Variants in NRXN3 observed in about 807,000 individuals in gnomAD.
The protein encoded by NRXN3 is neurexin III.
A neutral mutation model predicts 137.6 loss-of-function variants in NRXN3; 32 were observed. The ratio of observed to expected loss-of-function variants is 0.23; its 90% CI spans 0.18 to 0.31. NRXN3 has a LOEUF of 0.31. Among genes scored for constraint, NRXN3 ranks in the 10% least tolerant of loss-of-function variants. The pLI, the probability that NRXN3 is intolerant of heterozygous loss-of-function variation, is 1.00. For missense variants in NRXN3, 1,574 were observed against 2,062.5 expected (o/e 0.76, Z 4.59); for synonymous variants, 798 against 784.5 (o/e 1.02, Z -0.29).
chr14:78,212,221 TTTGA>T (rs2062820250), intron 1 of NRXN3, among the ~76,000 whole-genome samples: 1 of 152,252 alleles, frequency 6.6e-6, no homozygotes, highest in Non-Finnish European at 1.5e-5. Context: ...TCTGGTTATC[TTTGA>T]TTGCATGTTG....
intron 16 of NRXN3, among the ~76,000 whole-genome samples, chr14:79,606,931 C>CA (rs2098027460): frequency 6.6e-6 from 1 of 152,190 alleles, no homozygotes; most frequent in Non-Finnish European, 1.5e-5. Flanking sequence ...ATGTATATGA[C>CA]AACTTACACT....
At chr14:79,373,612 G>A (rs974108081) in intron 15 of NRXN3, among the ~76,000 whole-genome samples, 14 of 152,050 alleles carry the variant, frequency 9.2e-5, no homozygotes, top group Non-Finnish European at 1.9e-4. Context: ...CGGTTCAGTG[G>A]CTATAATTAC....
At chr14:79,461,660 A>C (rs1276509506) in intron 15 of NRXN3, among the ~76,000 whole-genome samples, 1 of 152,214 alleles carries the variant, frequency 6.6e-6, no homozygotes, top group East Asian at 1.9e-4. Flanking sequence ...TGGTTTTATT[A>C]GCTACATGGT....
At chr14:79,713,165 T>C (rs961385457) in intron 19 of NRXN3, among the ~76,000 whole-genome samples, 3 of 14,594 alleles carry the variant, frequency 2.1e-4, no homozygotes, top group Admixed American at 7.9e-4. Flanking sequence ...TGATTTTTAC[T>C]TTTTTTTTTT....
At chr14:79,514,350 C>T (rs1375807484) in intron 16 of NRXN3, among the ~76,000 whole-genome samples, 2 of 152,080 alleles carry the variant, frequency 1.3e-5, no homozygotes, top group Non-Finnish European at 2.9e-5. Flanking sequence ...TATAGAATTT[C>T]GCTGTCCTCT....
intron 15 of NRXN3, among the ~76,000 whole-genome samples, chr14:79,063,104 G>A (rs2099676262): frequency 6.6e-6 from 1 of 152,074 alleles, no homozygotes; most frequent in Non-Finnish European, 1.5e-5. Flanking sequence ...TTTGCATATG[G>A]TTTTGTTTCT....
chr14:79,370,830 A>G (rs2094080998), intron 15 of NRXN3, among the ~76,000 whole-genome samples: 1 of 152,212 alleles, frequency 6.6e-6, no homozygotes, highest in South Asian at 2.1e-4. Flanking sequence ...AAATACTGAT[A>G]AGAGCAGTTA....
intron 4 of NRXN3, among the ~76,000 whole-genome samples, chr14:78,447,045 CATGGTCACTCTCA>C (rs1293489971): frequency 6.6e-6 from 1 of 152,204 alleles, no homozygotes; most frequent in Non-Finnish European, 1.5e-5. Context: ...GATGGTACTA[CATGGTCACTCTCA>C]TCTCCATAGC....
At position 78,242,836 on chromosome 14, in the gene NRXN3, C is replaced by A; in HGVS notation, c.-258C>A. The A allele has an allele frequency of 2.2e-6, 1 of 444,804 alleles. No homozygotes were observed. Among genetic ancestry groups the A allele is most frequent in the Non-Finnish European group, 3.9e-6 (1 of 254,138 alleles). The allele number at this position is 444,804 out of a possible 1,614,324, so 27.6% of individuals were successfully genotyped here. A position where few individuals can be genotyped will look rare whatever the true frequency, so the allele number is the denominator to read the frequency against. ...GTCCCTCACTTCCCCACCTGATTTT[C>A]CTCCTCTTCTGCTGGTCCTGTCTTT... On this transcript the variant is annotated 5_prime_UTR_variant, in exon 2 of 21. Coordinates refer to ENST00000335750, the MANE Select transcript of NRXN3 (RefSeq NM_001330195.2).
chr14:79,583,216 A>C (rs1366401144), intron 16 of NRXN3, among the ~76,000 whole-genome samples: 1 of 152,186 alleles, frequency 6.6e-6, no homozygotes, highest in East Asian at 1.9e-4. Flanking sequence ...TGCTTCTCTG[A>C]GCCTCGGGTT....
At chr14:78,472,912 A>AT (rs1464149465) in intron 4 of NRXN3, among the ~76,000 whole-genome samples, 1 of 118,536 alleles carries the variant, frequency 8.4e-6, no homozygotes, top group Non-Finnish European at 1.7e-5. Context: ...AAGAGAGAAA[A>AT]TGTCTTTTTT....
chr14:78,422,405 G>A (rs2093485110), intron 4 of NRXN3, among the ~76,000 whole-genome samples: 1 of 152,280 alleles, frequency 6.6e-6, no homozygotes, highest in Non-Finnish European at 1.5e-5. Context: ...GCAGATAGTA[G>A]TCTCTCACAA....
At chr14:79,387,349 A>G (rs1166817200) in intron 15 of NRXN3, among the ~76,000 whole-genome samples, 2 of 152,236 alleles carry the variant, frequency 1.3e-5, no homozygotes, top group African/African-American at 2.4e-5. Context: ...GAAACATGAA[A>G]AAATGCTCAT....
At chr14:78,938,171 A>C (rs1417577866) in intron 10 of NRXN3, among the ~76,000 whole-genome samples, 3 of 152,240 alleles carry the variant, frequency 2.0e-5, no homozygotes, top group African/African-American at 7.2e-5. Flanking sequence ...TATCCCCTTG[A>C]TTAAAGTGAT....
chr14:78,419,769 G>T (rs1193160705), intron 4 of NRXN3, among the ~76,000 whole-genome samples: 1 of 152,142 alleles, frequency 6.6e-6, no homozygotes, highest in East Asian at 1.9e-4. Context: ...GTGAAGGGGA[G>T]CCTGTTTTAT....
intron 15 of NRXN3, among the ~76,000 whole-genome samples, chr14:79,433,940 C>G (rs530861483): frequency 8.9e-4 from 136 of 152,268 alleles, no homozygotes; most frequent in African/African-American, 3.1e-3. Context: ...ACCTCTGTCA[C>G]CTGGCATGCT....
chr14:79,133,802 G>A (rs780131572), intron 15 of NRXN3, among the ~76,000 whole-genome samples: 14 of 151,870 alleles, frequency 9.2e-5, no homozygotes, highest in Admixed American at 7.2e-4. Context: ...GGTGGTGGGC[G>A]CCTGTAGTCC....
intron 15 of NRXN3, among the ~76,000 whole-genome samples, chr14:79,136,472 C>T (rs1463524984): frequency 6.6e-6 from 1 of 152,178 alleles, no homozygotes; most frequent in African/African-American, 2.4e-5. Flanking sequence ...GTTTGTTCTT[C>T]TCCTCTACTT....
intron 4 of NRXN3, among the ~76,000 whole-genome samples, chr14:78,576,781 T>TAA (rs2096940452): frequency 1.3e-5 from 2 of 152,138 alleles, no homozygotes; most frequent in African/African-American, 4.8e-5. Context: ...AAGGGAAGGG[T>TAA]GAAAACTTGG....
Sources: allele counts gnomAD v4.1 joint callset (sites outside exome capture counted in the v4.1 genomes callset), GRCh38; gene constraint gnomAD v4.1.1; transcripts MANE v1.5; gene names NCBI Gene and HGNC (gene_info 2026-07-23, HGNC 2026-07-21).